The following ADGRL3 variants were observed in gnomAD, a reference collection of about 807,000 sequenced individuals.
ADGRL3 encodes the protein calcium-independent alpha-latrotoxin receptor 3.
In ADGRL3, 62 loss-of-function variants were observed where a neutral mutation model predicts 153.5. The observed-to-expected ratio is 0.40, with a 90% CI of 0.33 to 0.50. ADGRL3 has a LOEUF of 0.50. Among genes scored for constraint, ADGRL3 ranks in the 20% least tolerant of loss-of-function variants. ADGRL3 has a pLI of 0.47. For missense variants in ADGRL3, 1,641 were observed against 1,859.4 expected, an observed-to-expected ratio of 0.88 and a Z score of 2.16; for synonymous variants, 710 against 672.5, an observed-to-expected ratio of 1.06 and a Z score of -0.86.
At chr4:61,459,508 G>A (rs962931996) in intron 2 of ADGRL3, among the ~76,000 whole-genome samples, 3 of 151,922 alleles carry the variant, frequency 2.0e-5, no homozygotes, top group Non-Finnish European at 2.9e-5. Context: ...TAGTGCTGCA[G>A]TAAACATTGG....
chr4:61,998,357 G>A (rs953870741), intron 21 of ADGRL3, 92 bp downstream of exon 21: 11 of 614,390 alleles, frequency 1.8e-5, no homozygotes, highest in Non-Finnish European at 2.4e-5. Context: ...ATGACAAAAG[G>A]ATAAAGAATA....
At chr4:61,633,186 T>G (rs2093266948) in intron 5 of ADGRL3, among the ~76,000 whole-genome samples, 1 of 148,990 alleles carries the variant, frequency 6.7e-6, no homozygotes, top group African/African-American at 2.5e-5. Context: ...CTTACTCTCT[T>G]ATTATTGAAG....
intron 4 of ADGRL3, among the ~76,000 whole-genome samples, chr4:61,583,951 A>G (rs2098936188): frequency 6.6e-6 from 1 of 152,042 alleles, no homozygotes; most frequent in East Asian, 1.9e-4. Context: ...AACATGCAGT[A>G]GACTATTTGA....
intron 1 of ADGRL3, among the ~76,000 whole-genome samples, chr4:61,302,454 T>A (rs1000664284): frequency 2.0e-5 from 3 of 152,142 alleles, no homozygotes; most frequent in African/African-American, 7.2e-5. Context: ...TTTTTTTTAA[T>A]TAAAAGTTGA....
At chr4:61,858,767 C>CA (rs2098308657) in intron 9 of ADGRL3, among the ~76,000 whole-genome samples, 2 of 152,090 alleles carry the variant, frequency 1.3e-5, no homozygotes, top group African/African-American at 4.8e-5. Flanking sequence ...GTGGGCTGAA[C>CA]AAAAACAGAG....
At chr4:62,001,073 T>G (rs1238139034) in intron 21 of ADGRL3, among the ~76,000 whole-genome samples, 1 of 152,104 alleles carries the variant, frequency 6.6e-6, no homozygotes, top group Non-Finnish European at 1.5e-5. Context: ...CATGAGCCAC[T>G]GCACCTGGCT....
intron 25 of ADGRL3, among the ~76,000 whole-genome samples, chr4:62,062,543 C>T (rs1445809179): frequency 6.6e-6 from 1 of 151,944 alleles, no homozygotes; most frequent in African/African-American, 2.4e-5. Flanking sequence ...ATTCATCTAA[C>T]ACAAATACAC....
At position 61,935,989 on chromosome 4, in the gene ADGRL3, G is replaced by T. The variant is rs922145814; in HGVS notation, c.2363G>T (p.Gly788Val). Residue 788 changes from glycine (G) to valine (V), a missense_variant, in exon 15 of 27, where the codon GGC becomes GTC. Gly to Val is a moderately radical substitution (Grantham distance 109). Around this residue, in one of 5 missense-constraint regions of ADGRL3, gnomAD observed 734 missense variants for 797.0 expected, o/e 0.92. Transcript: ENST00000683033. ...LEDLKFPENM[G>V]HGSTIQLSAN... ...GACCTAAAATTTCCAGAAAACATGG[G>T]CCATGGAAGCACTATCCAGCTGTCT... The T allele has an allele frequency of 6.2e-7, 1 of 1,608,162 alleles. No individual in the cohort carries two copies. The highest frequency in any genetic ancestry group is 8.5e-7 in the Non-Finnish European group (1 of 1,177,074).
chr4:61,724,367 G>T (rs778962401), intron 6 of ADGRL3, among the ~76,000 whole-genome samples: 1 of 152,132 alleles, frequency 6.6e-6, no homozygotes, highest in Non-Finnish European at 1.5e-5. Flanking sequence ...GAAAGGTTTT[G>T]CAGATCCATC....
intron 2 of ADGRL3, among the ~76,000 whole-genome samples, chr4:61,473,160 AG>A (rs1374013974): frequency 6.6e-6 from 1 of 151,978 alleles, no homozygotes; most frequent in African/African-American, 2.4e-5. Flanking sequence ...TTGGTTGATA[AG>A]GTGAGAATTT....
chr4:61,741,542 A>G (rs2151918665), intron 8 of ADGRL3, among the ~76,000 whole-genome samples: 1 of 152,312 alleles, frequency 6.6e-6, no homozygotes, highest in Non-Finnish European at 1.5e-5. Flanking sequence ...TTTTTCAGGG[A>G]GCACAGCCAA....
intron 25 of ADGRL3, among the ~76,000 whole-genome samples, chr4:62,056,859 G>A (rs1202128810): frequency 6.6e-6 from 1 of 152,004 alleles, no homozygotes; most frequent in Non-Finnish European, 1.5e-5. Context: ...CAGGACATTT[G>A]CCATCTTAAA....
intron 13 of ADGRL3, among the ~76,000 whole-genome samples, chr4:61,921,837 G>C (rs558098778): frequency 6.6e-6 from 1 of 152,298 alleles, no homozygotes; most frequent in African/African-American, 2.4e-5. Flanking sequence ...AAAAGACTTT[G>C]GGGATAACTT....
intron 23 of ADGRL3, among the ~76,000 whole-genome samples, chr4:62,035,670 T>C (rs1724584345): frequency 6.6e-6 from 1 of 152,092 alleles, no homozygotes; most frequent in Non-Finnish European, 1.5e-5. Context: ...AAGAAGGAGA[T>C]AATTAATAGA....
At chr4:61,307,088 A>G (rs1013660492) in intron 1 of ADGRL3, among the ~76,000 whole-genome samples, 1 of 152,226 alleles carries the variant, frequency 6.6e-6, no homozygotes, top group African/African-American at 2.4e-5. Flanking sequence ...ATCATGTTCT[A>G]AATGCAGGAA....
chr4:61,392,707 G>GTA (rs2096826364), intron 2 of ADGRL3, among the ~76,000 whole-genome samples: 1 of 33,656 alleles, frequency 3.0e-5, no homozygotes, highest in Admixed American at 4.4e-4. Flanking sequence ...AAAAAAAAAA[G>GTA]AAAAAGGAAA....
At chr4:61,234,437 T>C (rs1411540371) in intron 1 of ADGRL3, among the ~76,000 whole-genome samples, 2 of 152,168 alleles carry the variant, frequency 1.3e-5, no homozygotes, top group African/African-American at 2.4e-5. Context: ...GTGGGAATTC[T>C]GGTAGATACA....
intron 5 of ADGRL3, among the ~76,000 whole-genome samples, chr4:61,664,728 A>G (rs1356682769): frequency 6.6e-6 from 1 of 152,170 alleles, no homozygotes. Flanking sequence ...CATATTTTTT[A>G]TAGGGTTCAG....
intron 3 of ADGRL3, among the ~76,000 whole-genome samples, chr4:61,512,743 A>G (rs2098470427): frequency 6.6e-6 from 1 of 152,028 alleles, no homozygotes; most frequent in South Asian, 2.1e-4. Context: ...GTGATATTAG[A>G]AAGTGGTGAG....
Sources: allele counts gnomAD v4.1 joint callset (sites outside exome capture counted in the v4.1 genomes callset), GRCh38; gene constraint gnomAD v4.1.1; regional missense constraint gnomAD v4.1.1; transcripts MANE v1.5; gene names NCBI Gene and HGNC (gene_info 2026-07-23, HGNC 2026-07-21).